Variants in PALS2 observed in about 807,000 individuals in gnomAD.
PALS2 encodes protein associated with LIN7 2, MAGUK p55 family member.
In PALS2, 27 loss-of-function variants were observed where a neutral mutation model predicts 61.6. That is an observed-to-expected ratio of 0.44 (90% CI 0.32 to 0.60). The LOEUF (loss-of-function observed/expected upper bound fraction) is 0.60, where lower values mean the gene tolerates loss of function less well. PALS2 is among the 20% of genes least tolerant of loss of function. The pLI, the probability that PALS2 is intolerant of heterozygous loss-of-function variation, is 0.05. For missense variants in PALS2, 554 were observed against 639.4 expected (o/e 0.87, Z 1.44); for synonymous variants, 236 against 218.6 (o/e 1.08, Z -0.70).
chr7:24,623,744 A>G lies in PALS2; in HGVS notation c.77A>G (p.Lys26Arg). ...GAEEIDLIFL[K>R]GIMENPIVKS... ...GAAGAAATAGACCTAATTTTCCTCA[A>G]GGGAATTATGGAGAATCCTATTGTA... Residue 26 changes from lysine (K) to arginine (R), a missense_variant, in exon 2 of 12, where the codon AAG becomes AGG. Transcript: ENST00000222644. 1.2e-6 allele frequency: 2 copies of G among 1,605,998 alleles called. No homozygotes were observed. Among genetic ancestry groups the G allele is most frequent in the Non-Finnish European group, 1.7e-6 (2 of 1,174,888 alleles).
rs1784009583 is a variant in PALS2 at position 24,608,629 on chromosome 7, T to C, written c.-2-15037T>C. 4.6e-5 allele frequency among the ~76,000 whole-genome samples: 7 copies of C among 152,190 alleles called. No homozygotes were observed. In the South Asian group the frequency reaches 1.4e-3, roughly 31 times the overall value. Reference sequence around the variant, plus strand: ...ATTTTAATTTTAATTTTTGTTTTTATTTTAGAAACAGTGTCTTGCTGTTAC... The same window carrying C: ...ATTTTAATTTTAATTTTTGTTTTTACTTTAGAAACAGTGTCTTGCTGTTAC... On this transcript the variant is annotated intron_variant, in intron 1 of 11. Coordinates refer to ENST00000222644, the MANE Select transcript of PALS2 (RefSeq NM_001303037.2).
chr7:24,652,640 AGGCATAAACCAG>A (rs1336503136), intron 5 of PALS2, among the ~76,000 whole-genome samples: 1 of 152,044 alleles, frequency 6.6e-6, no homozygotes, highest in Non-Finnish European at 1.5e-5. Context: ...CTGGAATAAT[AGGCATAAACCAG>A]GGCATCTGCA....
chr7:24,632,738 T>C (rs1319313850), intron 2 of PALS2, among the ~76,000 whole-genome samples: 3 of 152,204 alleles, frequency 2.0e-5, no homozygotes, highest in Non-Finnish European at 2.9e-5. Flanking sequence ...TTTATTGATA[T>C]AATTCGATTA....
chr7:24,650,338 G>A, intron 4 of PALS2, 147 bp from the exon 5 acceptor site: 1 of 681,308 alleles, frequency 1.5e-6, no homozygotes, highest in East Asian at 2.7e-5. Context: ...TTTAATGGGA[G>A]TGAAATATTG....
At chr7:24,630,182 A>G (rs1209871296) in intron 2 of PALS2, among the ~76,000 whole-genome samples, 3 of 152,218 alleles carry the variant, frequency 2.0e-5, no homozygotes, top group Non-Finnish European at 2.9e-5. Context: ...TTGCAGGGAC[A>G]TTGATAGAGC....
chr7:24,630,352 G>C (rs776685079), intron 2 of PALS2, among the ~76,000 whole-genome samples: 3 of 152,040 alleles, frequency 2.0e-5, no homozygotes, highest in Non-Finnish European at 4.4e-5. Flanking sequence ...GCAAGGGGAG[G>C]GGGGATAGCA....
intron 3 of PALS2, among the ~76,000 whole-genome samples, chr7:24,646,576 A>T (rs185626894): frequency 5.9e-4 from 89 of 152,126 alleles, no homozygotes; most frequent in African/African-American, 2.0e-3. Flanking sequence ...GAGGATTTTG[A>T]CATTAATGTT....
At chr7:24,668,442 G>C in intron 8 of PALS2, 57 bp from the exon 9 acceptor site, 1 of 1,481,708 alleles carries the variant, frequency 6.7e-7, no homozygotes, top group Non-Finnish European at 9.2e-7. Context: ...GAATTGCAGA[G>C]ATTTCTTTCA....
At chr7:24,610,152 T>C (rs1441564598) in intron 1 of PALS2, among the ~76,000 whole-genome samples, 2 of 152,154 alleles carry the variant, frequency 1.3e-5, no homozygotes, top group African/African-American at 2.4e-5. Flanking sequence ...GAGTTTTCCA[T>C]GTATTATTTA....
intron 1 of PALS2, among the ~76,000 whole-genome samples, chr7:24,600,638 G>A (rs972230594): frequency 6.6e-6 from 1 of 151,720 alleles, no homozygotes. Flanking sequence ...AAGTTAAATC[G>A]TTACATTTAT....
At chr7:24,649,193 T>C (rs184815299) in intron 3 of PALS2, among the ~76,000 whole-genome samples, 369 of 152,132 alleles carry the variant, frequency 2.4e-3, no homozygotes, top group Middle Eastern at 0.014. Context: ...AACATAGCAA[T>C]GTTAGGTAAA....
chr7:24,639,814 A>ATTTTTTTTTTTTTTT (rs61073575), intron 2 of PALS2, among the ~76,000 whole-genome samples: 1 of 96,250 alleles, frequency 1.0e-5, no homozygotes, highest in East Asian at 2.9e-4. Context: ...TTCTAGTCTA[A>ATTTTTTTTTTTTTTT]TTTTTTTTTT....
intron 6 of PALS2, among the ~76,000 whole-genome samples, chr7:24,664,476 G>A (rs1192032517): frequency 6.6e-6 from 1 of 152,120 alleles, no homozygotes. Context: ...CAAAGCAAAT[G>A]AGAGTTTTAC....
chr7:24,687,499 A>C lies in PALS2; in HGVS notation c.1508A>C (p.Tyr503Ser). ...SARIQRAYNH[Y>S]FDLIIINDNL... The stretch of plus-strand genomic sequence containing the variant: ...CGGATTCAGAGAGCATACAACCACT[A>C]TTTTGATTTGATCATCATAAATGAT... Residue 503 changes from tyrosine (Y) to serine (S), a missense_variant, in exon 12 of 12, where the codon TAT becomes TCT. Physicochemically the swap from Tyr to Ser is moderately radical, Grantham distance 144 (BLOSUM62 -2). Coordinates refer to ENST00000222644, the MANE Select transcript of PALS2 (RefSeq NM_001303037.2). The surrounding 1 kb of genome is among the most constrained non-coding windows in gnomAD (Gnocchi z 4.5). The C allele has an allele frequency of 2.5e-6, 4 of 1,613,176 alleles. No individual in the cohort carries two copies. The highest frequency in any genetic ancestry group is 2.5e-6 in the Non-Finnish European group (3 of 1,179,692).
At chr7:24,624,199 T>C (rs762410171) in intron 2 of PALS2, 104 of 1,126,514 alleles carry the variant, frequency 9.2e-5, no homozygotes, top group Non-Finnish European at 1.2e-4. Flanking sequence ...TTTGAAATTT[T>C]GTTATTTGTT....
In PALS2 at chr7:24,687,632, C is replaced by A. The variant is rs770062784; in HGVS notation, c.*18C>A. The A allele has an allele frequency of 6.4e-7, 1 of 1,573,886 alleles. No homozygotes were observed. The highest frequency in any genetic ancestry group is 1.2e-5 in the South Asian group (1 of 83,934). ...TTTACTGATGATTCAGTAAGGTTAA[C>A]AATGAAAATTAAACTCTTAAAAAGT... is the stretch of plus-strand genomic sequence containing the variant. On this transcript the variant is annotated 3_prime_UTR_variant, in exon 12 of 12. Coordinates refer to ENST00000222644, the MANE Select transcript of PALS2 (RefSeq NM_001303037.2). This position sits in a 1 kb window ranked among gnomAD's most constrained non-coding sequence, Gnocchi z 4.5.
chr7:24,663,398 T>C, intron 5 of PALS2, 192 bp from the exon 6 acceptor site: 1 of 439,554 alleles, frequency 2.3e-6, no homozygotes, highest in Non-Finnish European at 3.8e-6. Flanking sequence ...GAAGAAGTTT[T>C]ATTATCTTTC....
chr7:24,648,165 G>A (rs576381686), intron 3 of PALS2, among the ~76,000 whole-genome samples: 7 of 151,896 alleles, frequency 4.6e-5, no homozygotes, highest in East Asian at 1.9e-4. Context: ...CTTTTTTCCC[G>A]AACCTGTTAA....
chr7:24,590,685 A>G (rs1312479974), intron 1 of PALS2, among the ~76,000 whole-genome samples: 2 of 152,038 alleles, frequency 1.3e-5, no homozygotes, highest in African/African-American at 4.8e-5. Flanking sequence ...GGGAAGGTCT[A>G]AGTTGCATTT....
Sources: allele counts gnomAD v4.1 joint callset (sites outside exome capture counted in the v4.1 genomes callset), GRCh38; gene constraint gnomAD v4.1.1; non-coding constraint Gnocchi (gnomAD v3.1); transcripts MANE v1.5; gene names NCBI Gene and HGNC (gene_info 2026-07-23, HGNC 2026-07-21).